Variants in SMIM5 observed in about 807,000 individuals in gnomAD.
The protein encoded by SMIM5 is chromosome 17 open reading frame 109.
Under a neutral mutation model 4.0 loss-of-function variants are expected in SMIM5, and 4 were observed. That is an observed-to-expected ratio of 1.01 (90% CI 0.50 to 2.30). The LOEUF (loss-of-function observed/expected upper bound fraction) is 2.30. Ranked by LOEUF, SMIM5 falls within the 30% of genes most tolerant of loss-of-function variation. The pLI, the probability that SMIM5 is intolerant of heterozygous loss-of-function variation, is 0.02. For synonymous variants in SMIM5, 46 were observed against 43.6 expected (o/e 1.05, Z -0.22); for missense variants, 107 against 99.2 (o/e 1.08, Z -0.34).
rs2059317556 is a variant in SMIM5 at position 75,636,146 on chromosome 17, C to T, written c.-37+1944C>T. ...CCTGGTGGCAGCTGGGCTACACTCC[C>T]TCTTAAGGCCAGAGGGAGCCACCAC... On this transcript the variant is annotated intron_variant, in intron 1 of 2. Coordinates refer to ENST00000375215, the MANE Select transcript of SMIM5 (RefSeq NM_001162995.3). This position sits in a 1 kb window ranked among gnomAD's most constrained non-coding sequence, Gnocchi z 5.4. 6.6e-6 allele frequency among the ~76,000 whole-genome samples: 1 copy of T among 152,214 alleles called. No individual in the cohort carries two copies. Among genetic ancestry groups the T allele is most frequent in the Non-Finnish European group, 1.5e-5 (1 of 68,036 alleles).
In SMIM5 at chr17:75,640,090, C is replaced by A. The variant is rs985738952; in HGVS notation, c.-36-76C>A. On this transcript the variant is annotated intron_variant, in intron 1 of 2. Coordinates refer to ENST00000375215, the MANE Select transcript of SMIM5 (RefSeq NM_001162995.3). The surrounding 1 kb of genome is among the most constrained non-coding windows in gnomAD (Gnocchi z 4.6). ...TTGTTCTGCGGGCTGCGGATGGGTGCGAGGGTGGAATCTCGGTGCTGCGAC... is the reference window on the plus strand; with the variant it reads ...TTGTTCTGCGGGCTGCGGATGGGTGAGAGGGTGGAATCTCGGTGCTGCGAC... 5.0e-6 allele frequency: 7 copies of A among 1,394,576 alleles called. No individual in the cohort carries two copies. The African/African-American group carries it at 8.7e-5, about 17-fold the overall frequency. 86.4% of individuals were successfully genotyped at this position (1,394,576 alleles called of 1,614,324 possible).
At chr17:75,639,542 G>A (rs986074255) in intron 1 of SMIM5, 1 of 152,326 alleles carries the variant, frequency 6.6e-6, no homozygotes, top group African/African-American at 2.4e-5. Context: ...AGCAACCTGG[G>A]CCTCCTGACC....
chr17:75,637,515 C>T (rs1385667817), intron 1 of SMIM5: 1 of 152,356 alleles, frequency 6.6e-6, no homozygotes, highest in Non-Finnish European at 1.5e-5. Flanking sequence ...GGACCACTGT[C>T]CTTGTGCAAG....
chr17:75,641,007 C>T lies in SMIM5; in HGVS notation c.*110C>T. ...CCCCTCAAGACCAGGCTCCCCTGGC[C>T]CCAGCTCTGGCCCAGCCCAGGTACC... On this transcript the variant is annotated 3_prime_UTR_variant, in exon 3 of 3. Coordinates refer to ENST00000375215, the MANE Select transcript of SMIM5 (RefSeq NM_001162995.3). 1 of 1,477,922 alleles carries T rather than the reference C, an allele frequency of 6.8e-7. No individual in the cohort carries two copies. The highest frequency in any genetic ancestry group is 9.0e-7 in the Non-Finnish European group (1 of 1,110,464). 91.6% of individuals were successfully genotyped at this position (1,477,922 alleles called of 1,614,324 possible).
rs2059333100 is a variant in SMIM5 at position 75,636,885 on chromosome 17, G to A, written c.-37+2683G>A. ...ACCCCTGGGTCAGACCCTGGGGCTGGGTGAGGCTGGCCATGCCTGGCTGGC... is the reference window on the plus strand; with the variant it reads ...ACCCCTGGGTCAGACCCTGGGGCTGAGTGAGGCTGGCCATGCCTGGCTGGC... On this transcript the variant is annotated intron_variant, in intron 1 of 2. Transcript: ENST00000375215. The surrounding 1 kb of genome is among the most constrained non-coding windows in gnomAD (Gnocchi z 5.4). The A allele has an allele frequency of 6.6e-6, 1 of 152,302 alleles. No homozygotes were observed. The highest frequency in any genetic ancestry group is 1.5e-5 in the Non-Finnish European group (1 of 68,108). The allele number at this position is 152,302 out of a possible 1,614,324, so 9.4% of individuals were successfully genotyped here.
rs1040673172 is a variant in SMIM5 at position 75,635,883 on chromosome 17, G to A, written c.-37+1681G>A. The A allele has an allele frequency of 5.2e-5, 51 of 985,124 alleles. No homozygotes were observed. In the African/African-American group the frequency reaches 5.6e-4, roughly 11 times the overall value. 61.0% of individuals were successfully genotyped at this position (985,124 alleles called of 1,614,324 possible). On this transcript the variant is annotated intron_variant, in intron 1 of 2. Transcript: ENST00000375215. ...CCTGGGGTTGGAGTATCAGCTCTGC[G>A]AGGAGGAAACAGGGAAGCTTCGGGA...
chr17:75,635,014 C>T (rs1000059605), intron 1 of SMIM5, among the ~76,000 whole-genome samples: 6 of 152,268 alleles, frequency 3.9e-5, no homozygotes, highest in Middle Eastern at 6.8e-3. Flanking sequence ...GGGCAGGGCC[C>T]GTGAGCCGAG....
In SMIM5 at chr17:75,633,955, T is replaced by G. The variant is rs537680984; in HGVS notation, c.-284T>G. The G allele has an allele frequency of 3.0e-6, 3 of 985,426 alleles. No homozygotes were observed. Among genetic ancestry groups the G allele is most frequent in the East Asian group, 1.1e-4 (1 of 8,806 alleles). 61.0% of individuals were successfully genotyped at this position (985,426 alleles called of 1,614,324 possible). A position where few individuals can be genotyped will look rare whatever the true frequency, so the allele number is the denominator to read the frequency against. ...AGGGCAGAGGTGAGGCACCGGGACA[T>G]GAAGTTGGAGGACAAGTTCCCAAGC... is the stretch of plus-strand genomic sequence containing the variant. On this transcript the variant is annotated 5_prime_UTR_variant, in exon 1 of 3. The change abolishes an upstream ATG in the 5' untranslated region. Transcript: ENST00000375215.
chr17:75,634,084 G>A lies in SMIM5; in HGVS notation c.-155G>A, dbSNP rs1246514463. The A allele has an allele frequency of 2.0e-6, 2 of 985,546 alleles. No individual in the cohort carries two copies. The highest frequency in any genetic ancestry group is 1.7e-5 in the African/African-American group (1 of 57,254). 61.1% of individuals were successfully genotyped at this position (985,546 alleles called of 1,614,324 possible). On this transcript the variant is annotated 5_prime_UTR_variant, in exon 1 of 3. Transcript: ENST00000375215. ...CAGAGACAGCAGCTGGCTGTCAGCA[G>A]AGGAGCTGGGCTGAGGCGCCCAGGG...
intron 1 of SMIM5, chr17:75,635,915 G>A: frequency 2.1e-6 from 2 of 965,276 alleles, no homozygotes; most frequent in Non-Finnish European, 1.2e-6. Flanking sequence ...GGGACCAAGT[G>A]GCAGCTGTCT....
Position 75,640,145 on chromosome 17 carries a change from GT to G in SMIM5, c.-36-20del. On this transcript the variant is annotated intron_variant, in intron 1 of 2. Transcript: ENST00000375215. The surrounding 1 kb of genome is among the most constrained non-coding windows in gnomAD (Gnocchi z 4.6). ...GTGGGGCCAGCCGTGGAGGCTCCAG[GT>G]GTTCTCTCTGCCCCAGCAGAGCCCG... The G allele has an allele frequency of 6.7e-7, 1 of 1,495,392 alleles. No individual in the cohort carries two copies. The highest frequency in any genetic ancestry group is 1.3e-5 in the South Asian group (1 of 77,060). The allele number at this position is 1,495,392 out of a possible 1,614,324, so 92.6% of individuals were successfully genotyped here. A position where few individuals can be genotyped will look rare whatever the true frequency, so the allele number is the denominator to read the frequency against.
At position 75,636,325 on chromosome 17, in the gene SMIM5, G is replaced by C. The variant is rs765425275; in HGVS notation, c.-37+2123G>C. On this transcript the variant is annotated intron_variant, in intron 1 of 2. Coordinates refer to ENST00000375215, the MANE Select transcript of SMIM5 (RefSeq NM_001162995.3). The surrounding 1 kb of genome is among the most constrained non-coding windows in gnomAD (Gnocchi z 5.4). ...TGGGAGGGACTGGTTGCCCTGGTTC[G>C]CAGGTGGGAAGTGTGGTTTTGGAAG... Among the ~76,000 whole-genome samples the C allele has an allele frequency of 5.3e-5, 8 of 152,166 alleles. No homozygotes were observed. The highest frequency in any genetic ancestry group is 1.9e-4 in the African/African-American group (8 of 41,430).
At position 75,633,808 on chromosome 17, in the gene SMIM5, A is replaced by G. The variant is rs1168715563; in HGVS notation, c.-431A>G. 5 of 1,006,804 alleles carry G rather than the reference A, an allele frequency of 5.0e-6. No individual in the cohort carries two copies. The African/African-American group carries it at 8.7e-5, about 17-fold the overall frequency. 62.4% of individuals were successfully genotyped at this position (1,006,804 alleles called of 1,614,324 possible). A position where few individuals can be genotyped will look rare whatever the true frequency, so the allele number is the denominator to read the frequency against. Reference sequence around the variant, plus strand: ...GGTCCTCCTGGCCAGGAAGGCAGAGAGCCGACTTCTTTCTTCAGCTCCCAA... The same window carrying G: ...GGTCCTCCTGGCCAGGAAGGCAGAGGGCCGACTTCTTTCTTCAGCTCCCAA... On this transcript the variant is annotated 5_prime_UTR_variant, in exon 1 of 3. Transcript: ENST00000375215.
rs1568270170 is a variant in SMIM5, at chr17:75,640,826, T to A, written c.163T>A (p.Cys55Ser). 1.3e-6 allele frequency: 2 copies of A among 1,548,820 alleles called. No individual in the cohort carries two copies. The highest frequency in any genetic ancestry group is 2.4e-5 in the South Asian group (2 of 84,024). The change falls in exon 3 of 3, where the codon TGC becomes AGC. Residue 55 changes from cysteine to serine, a missense_variant. Transcript: ENST00000375215. The surrounding 1 kb of genome is among the most constrained non-coding windows in gnomAD (Gnocchi z 4.6). Reference sequence around the variant, plus strand: ...GCTGTTGCTGCTGATAGCCTGCAGCTGCTGCTGCACTCACTGCTGCTGCCC... The same window carrying A: ...GCTGTTGCTGCTGATAGCCTGCAGCAGCTGCTGCACTCACTGCTGCTGCCC... ...VLLLLLIACS[C>S]CCTHCCCPER...
At chr17:75,639,025 C>G (rs538213708) in intron 1 of SMIM5, 1 of 152,520 alleles carries the variant, frequency 6.6e-6, no homozygotes, top group African/African-American at 2.4e-5. Context: ...TCCTCACCAT[C>G]CTGGGTGCTC....
In SMIM5 at chr17:75,640,639, C is replaced by T. The variant is rs897496155; in HGVS notation, c.128-152C>T. ...TGGCCCTGGCGGCTGGCATGGGGAC[C>T]GTCCGCACCTCTCACCAGCCTCTCG... On this transcript the variant is annotated intron_variant, in intron 2 of 2. Transcript: ENST00000375215. The surrounding 1 kb of genome is among the most constrained non-coding windows in gnomAD (Gnocchi z 4.6). 6.6e-6 allele frequency among the ~76,000 whole-genome samples: 1 copy of T among 152,134 alleles called. No homozygotes were observed.
At position 75,634,147 on chromosome 17, in the gene SMIM5, C is replaced by T. The variant is rs1008475734; in HGVS notation, c.-92C>T. On this transcript the variant is annotated 5_prime_UTR_variant, in exon 1 of 3. In the 5' UTR this introduces an upstream ATG that the reference lacks. Transcript: ENST00000375215. ...CCACGAAGGAAGTACGAGGACAGCA[C>T]GTGGAGGCTCCGCGCTGGGGCACTG... 1.4e-5 allele frequency: 14 copies of T among 985,398 alleles called. No individual in the cohort carries two copies. The East Asian group carries it at 3.4e-4, about 24-fold the overall frequency. 61.0% of individuals were successfully genotyped at this position (985,398 alleles called of 1,614,324 possible).
chr17:75,634,315 C>T (rs2059278011), intron 1 of SMIM5, 113 bp downstream of exon 1: 1 of 953,490 alleles, frequency 1.0e-6, no homozygotes, highest in Non-Finnish European at 1.2e-6. Context: ...TCTTCGGGGA[C>T]ATGCTGGGTC....
At chr17:75,639,913 G>A in intron 1 of SMIM5, 1 of 344,366 alleles carries the variant, frequency 2.9e-6, no homozygotes, top group Non-Finnish European at 5.3e-6. Context: ...ACCACCACCA[G>A]CCGCCGCCTT....
Sources: allele counts gnomAD v4.1 joint callset (sites outside exome capture counted in the v4.1 genomes callset), GRCh38; gene constraint gnomAD v4.1.1; non-coding constraint Gnocchi (gnomAD v3.1); transcripts MANE v1.5; gene names NCBI Gene and HGNC (gene_info 2026-07-23, HGNC 2026-07-21).